The following TAFA5 variants were observed in gnomAD, a reference collection of about 807,000 sequenced individuals.
TAFA5 encodes the protein chemokine-like protein TAFA-5.
A neutral mutation model predicts 15.3 loss-of-function variants in TAFA5; 6 were observed. That is an observed-to-expected ratio of 0.39 (90% CI 0.21 to 0.77). TAFA5 has a LOEUF of 0.77. Ranked by LOEUF, TAFA5 falls within the 30% of genes least tolerant of loss-of-function variation. TAFA5 has a pLI of 0.41. For synonymous variants in TAFA5, 103 were observed against 80.7 expected (o/e 1.28, Z -1.48); for missense variants, 161 against 193.1 (o/e 0.83, Z 0.98).
chr22:48,720,534 G>A (rs1002325151), intron 3 of TAFA5, among the ~76,000 whole-genome samples: 2 of 152,230 alleles, frequency 1.3e-5, no homozygotes, highest in South Asian at 2.1e-4. Flanking sequence ...TTTACCTGGC[G>A]GGGACTGCGG....
Position 48,530,361 on chromosome 22 carries a change from C to G in TAFA5, c.112+40657C>G, listed in dbSNP as rs1921931410. Among the ~76,000 whole-genome samples the G allele has an allele frequency of 6.6e-6, 1 of 152,200 alleles. No homozygotes were observed. The highest frequency in any genetic ancestry group is 6.5e-5 in the Admixed American group (1 of 15,284). On this transcript the variant is annotated intron_variant, in intron 1 of 3. Transcript: ENST00000402357. The surrounding 1 kb of genome is among the most constrained non-coding windows in gnomAD (Gnocchi z 6.0). Reference sequence around the variant, plus strand: ...AAGGAACCTCTGGAGGGCACAGGGGCCATCACCTGCTGGAGCCCAGAGAAG... The same window carrying G: ...AAGGAACCTCTGGAGGGCACAGGGGGCATCACCTGCTGGAGCCCAGAGAAG...
At chr22:48,508,977 C>A (rs558457855) in intron 1 of TAFA5, among the ~76,000 whole-genome samples, 112 of 152,326 alleles carry the variant, frequency 7.4e-4, no homozygotes, top group African/African-American at 2.6e-3. Context: ...CCTCCCCTCT[C>A]CAGCCTCTAA....
intron 1 of TAFA5, among the ~76,000 whole-genome samples, chr22:48,623,159 C>CG (rs1337106938): frequency 1.3e-5 from 2 of 152,230 alleles, no homozygotes; most frequent in Non-Finnish European, 2.9e-5. Flanking sequence ...GATGCCCTGA[C>CG]GGCGGTGGGA....
intron 1 of TAFA5, among the ~76,000 whole-genome samples, chr22:48,494,885 G>C (rs1346662876): frequency 3.3e-5 from 5 of 152,216 alleles, no homozygotes; most frequent in Non-Finnish European, 7.3e-5. Context: ...GCTCCCTGAG[G>C]CTTTGTAGCG....
rs752174911 is a variant in TAFA5 at position 48,646,721 on chromosome 22, G to A, written c.237G>A (p.Thr79=). 19 of 1,588,922 alleles carry A rather than the reference G, an allele frequency of 1.2e-5. No individual in the cohort carries two copies. Among genetic ancestry groups the A allele is most frequent in the Admixed American group, 3.5e-5 (2 of 57,346 alleles). Reference sequence around the variant, plus strand: ...GAAAGGGGCAGATCGCCGGCACCACGAGAGCCCGGCCCGCCTGTGTGGACG... The same window carrying A: ...GAAAGGGGCAGATCGCCGGCACCACAAGAGCCCGGCCCGCCTGTGTGGACG... ...ACRKGQIAGT[T]RARPACVDAR... The change falls in exon 2 of 4, where the codon ACG becomes ACA. Residue 79 remains threonine, a synonymous_variant. Coordinates refer to ENST00000402357, the MANE Select transcript of TAFA5 (RefSeq NM_001082967.3).
intron 3 of TAFA5, among the ~76,000 whole-genome samples, chr22:48,738,773 C>T (rs1044695496): frequency 4.6e-5 from 7 of 152,220 alleles, no homozygotes; most frequent in Admixed American, 6.5e-5. Context: ...TCAGGAGCTC[C>T]GTGTTTTTTG....
chr22:48,508,835 C>T (rs997701254), intron 1 of TAFA5, among the ~76,000 whole-genome samples: 2 of 152,074 alleles, frequency 1.3e-5, no homozygotes, highest in African/African-American at 4.8e-5. Context: ...TCAAGATCCT[C>T]TCTTCCAGGT....
intron 3 of TAFA5, among the ~76,000 whole-genome samples, chr22:48,725,040 T>C (rs1929675716): frequency 6.6e-6 from 1 of 152,262 alleles, no homozygotes; most frequent in Non-Finnish European, 1.5e-5. Flanking sequence ...CAGAAAACTC[T>C]GCAGCTTAGA....
Position 48,517,591 on chromosome 22 carries a change from C to G in TAFA5, c.112+27887C>G, listed in dbSNP as rs533973582. On this transcript the variant is annotated intron_variant, in intron 1 of 3. Coordinates refer to ENST00000402357, the MANE Select transcript of TAFA5 (RefSeq NM_001082967.3). ...ACTGAGGATCCTGGGCTGCTCTGTC[C>G]CGCGTACGGGCATCCGGGTTCTGAT... Among the ~76,000 whole-genome samples the G allele has an allele frequency of 8.5e-5, 13 of 152,332 alleles. 1 individual carries two copies. The South Asian group carries it at 2.7e-3, about 32-fold the overall frequency.
At chr22:48,551,263 C>T (rs1034932234) in intron 1 of TAFA5, among the ~76,000 whole-genome samples, 1 of 152,130 alleles carries the variant, frequency 6.6e-6, no homozygotes, top group Non-Finnish European at 1.5e-5. Context: ...CAGGGAGCCC[C>T]CCAGGTCAGT....
chr22:48,716,723 C>T (rs186252531), intron 3 of TAFA5, among the ~76,000 whole-genome samples: 4 of 152,268 alleles, frequency 2.6e-5, no homozygotes, highest in East Asian at 1.9e-4. Context: ...GGAAACTGTA[C>T]ACATACACAC....
rs529554402 is a variant in TAFA5, at chr22:48,611,022, C to T, written c.113-35575C>T. 1.2e-4 allele frequency among the ~76,000 whole-genome samples: 19 copies of T among 152,118 alleles called. No homozygotes were observed. In the South Asian group the frequency reaches 4.0e-3, roughly 32 times the overall value. On this transcript the variant is annotated intron_variant, in intron 1 of 3. Transcript: ENST00000402357. ...AGTCTCGGCTCGCTGCAACCTCCAC[C>T]TCCTGGGTTCAAGCGATTCTCCTGC... is the stretch of plus-strand genomic sequence containing the variant.
At chr22:48,581,192 A>T (rs1448578090) in intron 1 of TAFA5, among the ~76,000 whole-genome samples, 1 of 152,236 alleles carries the variant, frequency 6.6e-6, no homozygotes, top group Non-Finnish European at 1.5e-5. Flanking sequence ...TTAGAATATA[A>T]AAGGACTGGA....
rs140035797 is a variant in TAFA5, at chr22:48,619,312, G to A, written c.113-27285G>A. On this transcript the variant is annotated intron_variant, in intron 1 of 3. Transcript: ENST00000402357. The stretch of plus-strand genomic sequence containing the variant: ...CCCAGACTCTTGGACCTCAGACTGG[G>A]AGAGGGTGTGGGTGAAGGCACATGG... Among the ~76,000 whole-genome samples the A allele has an allele frequency of 5.4e-3, 826 of 151,962 alleles. 7 individuals are homozygous for A. Among genetic ancestry groups the A allele is most frequent in the African/African-American group, 0.019 (792 of 41,468 alleles).
At chr22:48,511,842 C>T (rs891840466) in intron 1 of TAFA5, among the ~76,000 whole-genome samples, 1 of 152,238 alleles carries the variant, frequency 6.6e-6, no homozygotes, top group African/African-American at 2.4e-5. Flanking sequence ...CCTGGTGCGT[C>T]CCCCGAAGCC....
rs1157825702 is a variant in TAFA5, at chr22:48,698,954, TTTG to T, written c.263-8762_263-8760del. Among the ~76,000 whole-genome samples, 260 of 33,176 alleles carry T rather than the reference TTTG, an allele frequency of 7.8e-3. 3 individuals carry two copies. Among genetic ancestry groups the T allele is most frequent in the African/African-American group, 0.042 (231 of 5,482 alleles). The allele number at this position is 33,176 out of a possible 152,430, so 21.8% of individuals were successfully genotyped here. A position where few individuals can be genotyped will look rare whatever the true frequency, so the allele number is the denominator to read the frequency against. ...CAATGCTTTTTTTTTTTTTTTTTTT[TTTG>T]GCGCGACCAAGGCTCACTCTGTCCC... On this transcript the variant is annotated intron_variant, in intron 2 of 3. Coordinates refer to ENST00000402357, the MANE Select transcript of TAFA5 (RefSeq NM_001082967.3).
At chr22:48,697,876 G>A (rs1373842931) in intron 2 of TAFA5, among the ~76,000 whole-genome samples, 1 of 151,376 alleles carries the variant, frequency 6.6e-6, no homozygotes, top group Non-Finnish European at 1.5e-5. Context: ...TGATGGTGAT[G>A]GTAATAATTG....
intron 3 of TAFA5, among the ~76,000 whole-genome samples, chr22:48,749,200 C>G (rs1276152799): frequency 6.6e-6 from 1 of 152,168 alleles, no homozygotes; most frequent in Non-Finnish European, 1.5e-5. Context: ...TGGAGTGGAC[C>G]CTCCCTCAGA....
intron 1 of TAFA5, among the ~76,000 whole-genome samples, chr22:48,511,382 C>G (rs1057032557): frequency 3.9e-5 from 6 of 152,194 alleles, no homozygotes; most frequent in African/African-American, 1.2e-4. Flanking sequence ...CCTCCTCCTC[C>G]TCACTGTCTC....
Sources: gnomAD v4.1 joint callset for allele counts (sites outside exome capture counted in the v4.1 genomes callset) on GRCh38, gnomAD v4.1.1 for gene constraint, Gnocchi (gnomAD v3.1) non-coding constraint, MANE v1.5 for transcripts, NCBI Gene and HGNC (gene_info 2026-07-23, HGNC 2026-07-21) for gene names.